The following RGS7 variants were observed in gnomAD, a reference collection of about 807,000 sequenced individuals.
RGS7 encodes regulator of G protein signaling 7, also known as regulator of G-protein signaling 7.
A neutral mutation model predicts 81.1 loss-of-function variants in RGS7; 27 were observed. The observed-to-expected ratio is 0.33, with a 90% CI of 0.25 to 0.46. RGS7 has a LOEUF of 0.46. Among genes scored for constraint, RGS7 ranks in the 20% least tolerant of loss-of-function variants. The probability of loss-of-function intolerance (pLI) is 1.00; values close to 1 mark genes in which losing one functional copy is unlikely to be tolerated. For synonymous variants in RGS7, 208 were observed against 207.7 expected (o/e 1.00, Z -0.01); for missense variants, 396 against 607.4 (o/e 0.65, Z 3.66).
At chr1:240,939,123 T>C (rs1383577847) in intron 4 of RGS7, among the ~76,000 whole-genome samples, 2 of 152,226 alleles carry the variant, frequency 1.3e-5, no homozygotes, top group African/African-American at 2.4e-5. Flanking sequence ...GCTTCCAGCC[T>C]AGTAGGTACT....
At chr1:240,806,990 G>A (rs971576818) in intron 14 of RGS7, among the ~76,000 whole-genome samples, 18 of 152,320 alleles carry the variant, frequency 1.2e-4, no homozygotes, top group Non-Finnish European at 1.8e-4. Flanking sequence ...AATGACCAAA[G>A]CAGCAAGCTT....
intron 2 of RGS7, among the ~76,000 whole-genome samples, chr1:241,130,615 G>C (rs1417220600): frequency 6.6e-6 from 1 of 151,942 alleles, no homozygotes; most frequent in Non-Finnish European, 1.5e-5. Context: ...CCAAAAAAAA[G>C]GTATTTCTGA....
In RGS7 at chr1:241,316,306, G is replaced by A. The variant is rs573960064; in HGVS notation, c.78+39393C>T. On this transcript the variant is annotated intron_variant, in intron 2 of 18. Transcript: ENST00000440928. The stretch of plus-strand genomic sequence containing the variant: ...CACAGTCATGATTGACTAAATCACC[G>A]GCCACTGAAGACCAGCTCAACCTTT... Among the ~76,000 whole-genome samples the A allele has an allele frequency of 8.5e-4, 129 of 152,256 alleles. 3 individuals carry two copies. Among genetic ancestry groups the A allele is most frequent in the Non-Finnish European group, 1.5e-3 (103 of 68,016 alleles).
chr1:240,962,451 A>C (rs529252052), intron 4 of RGS7, among the ~76,000 whole-genome samples: 110 of 152,266 alleles, frequency 7.2e-4, no homozygotes, highest in Admixed American at 1.2e-3. Flanking sequence ...CATCTAATTT[A>C]AAAGGTCTGC....
intron 6 of RGS7, chr1:240,919,935 C>T: frequency 7.7e-7 from 1 of 1,296,110 alleles, no homozygotes. Flanking sequence ...AGAAGATTCT[C>T]AAAGACCAGG....
At chr1:240,911,037 G>C (rs1185335641) in intron 6 of RGS7, among the ~76,000 whole-genome samples, 1 of 152,108 alleles carries the variant, frequency 6.6e-6, no homozygotes, top group African/African-American at 2.4e-5. Context: ...GAATTCTCTA[G>C]TTCATTCCTA....
At chr1:241,272,806 AT>A (rs1442381769) in intron 2 of RGS7, among the ~76,000 whole-genome samples, 1 of 152,010 alleles carries the variant, frequency 6.6e-6, no homozygotes, top group Admixed American at 6.6e-5. Context: ...AAATTTACTA[AT>A]CCCTTCCTCT....
At chr1:241,059,388 T>C (rs569194505) in intron 3 of RGS7, among the ~76,000 whole-genome samples, 12 of 152,294 alleles carry the variant, frequency 7.9e-5, no homozygotes, top group African/African-American at 2.4e-4. Context: ...ACAGTATATA[T>C]ATGTAGAGTA....
chr1:241,299,935 C>CAG (rs2079639165), intron 2 of RGS7, among the ~76,000 whole-genome samples: 1 of 58,090 alleles, frequency 1.7e-5, no homozygotes, highest in Non-Finnish European at 3.0e-5. Context: ...CTCGTTTCTC[C>CAG]AAAAAAAAAA....
chr1:240,957,376 T>A (rs1408832456), intron 4 of RGS7, among the ~76,000 whole-genome samples: 1 of 152,188 alleles, frequency 6.6e-6, no homozygotes, highest in Non-Finnish European at 1.5e-5. Flanking sequence ...CTTTTGAGGC[T>A]TTGTGACTCC....
intron 2 of RGS7, among the ~76,000 whole-genome samples, chr1:241,135,613 T>C (rs2067450994): frequency 6.6e-6 from 1 of 152,092 alleles, no homozygotes; most frequent in African/African-American, 2.4e-5. Flanking sequence ...GAAAGGATAC[T>C]AAACTCTGGG....
intron 2 of RGS7, among the ~76,000 whole-genome samples, chr1:241,341,515 CTAT>C (rs1051710083): frequency 3.3e-5 from 5 of 150,314 alleles, no homozygotes; most frequent in Admixed American, 6.7e-5. Flanking sequence ...GTCCTTTAAA[CTAT>C]TAGGATTGAA....
intron 6 of RGS7, among the ~76,000 whole-genome samples, chr1:240,906,470 G>A (rs1306421759): frequency 1.3e-5 from 2 of 152,122 alleles, no homozygotes; most frequent in Non-Finnish European, 2.9e-5. Flanking sequence ...TAGGTCCTCC[G>A]TATAACCTAA....
chr1:241,105,551 AG>A (rs2065041882), intron 2 of RGS7, among the ~76,000 whole-genome samples: 1 of 152,230 alleles, frequency 6.6e-6, no homozygotes, highest in African/African-American at 2.4e-5. Context: ...GCTGCCAGAC[AG>A]GGCTCCCACA....
At chr1:241,261,601 C>T (rs1416919628) in intron 2 of RGS7, among the ~76,000 whole-genome samples, 1 of 147,438 alleles carries the variant, frequency 6.8e-6, no homozygotes, top group Non-Finnish European at 1.5e-5. Flanking sequence ...TGCACTCCAG[C>T]CTGGGCGACA....
intron 2 of RGS7, among the ~76,000 whole-genome samples, chr1:241,187,383 C>T (rs755387154): frequency 6.6e-6 from 1 of 151,942 alleles, no homozygotes; most frequent in Non-Finnish European, 1.5e-5. Context: ...TGCTACATTG[C>T]TAGTTAAGTG....
At chr1:241,221,075 GGAAGGAAGGAAGGA>G (rs1558204242) in intron 2 of RGS7, among the ~76,000 whole-genome samples, 19 of 132,382 alleles carry the variant, frequency 1.4e-4, no homozygotes, top group African/African-American at 5.4e-4. Context: ...GAGAGAGAAA[GGAAGGAAGGAAGGA>G]AGAAAGGAAG....
In RGS7 at chr1:240,775,861, T is replaced by G; in HGVS notation, c.*359A>C. The G allele has an allele frequency of 3.0e-6, 1 of 332,314 alleles. No individual in the cohort carries two copies. The highest frequency in any genetic ancestry group is 5.7e-6 in the Non-Finnish European group (1 of 174,682). 20.6% of individuals were successfully genotyped at this position (332,314 alleles called of 1,614,324 possible). On this transcript the variant is annotated 3_prime_UTR_variant, in exon 19 of 19. Coordinates refer to ENST00000440928, the MANE Select transcript of RGS7 (RefSeq NM_001364886.1). ...GTGAACTGTGTGTCTAACTGAAGCT[T>G]TGAGAGAGAGAGAGAGAGAAAGAAG... is the stretch of plus-strand genomic sequence containing the variant.
intron 3 of RGS7, among the ~76,000 whole-genome samples, chr1:240,994,886 A>G (rs2796743): frequency 0.91 from 137,848 of 152,058 alleles, 62,526 homozygotes; most frequent in East Asian, 1. Flanking sequence ...TTGTCCAGCC[A>G]ATGATCTCAA....
Sources: allele counts gnomAD v4.1 joint callset (sites outside exome capture counted in the v4.1 genomes callset), GRCh38; gene constraint gnomAD v4.1.1; transcripts MANE v1.5; gene names NCBI Gene and HGNC (gene_info 2026-07-23, HGNC 2026-07-21).